The following IMMP2L variants were observed in gnomAD, a reference collection of about 807,000 sequenced individuals.
The protein encoded by IMMP2L is inner mitochondrial membrane peptidase subunit 2.
Under a neutral mutation model 19.3 loss-of-function variants are expected in IMMP2L, and 18 were observed. The observed-to-expected ratio is 0.93, with a 90% CI of 0.64 to 1.38. The LOEUF (loss-of-function observed/expected upper bound fraction) is 1.38, where lower values mean the gene tolerates loss of function less well. Among genes scored for constraint, IMMP2L ranks in the 40% most tolerant of loss-of-function variants. The pLI, the probability that IMMP2L is intolerant of heterozygous loss-of-function variation, is 0.00. For synonymous variants in IMMP2L, 76 were observed against 73.0 expected (o/e 1.04, Z -0.21); for missense variants, 233 against 218.2 (o/e 1.07, Z -0.43).
chr7:111,305,048 C>T (rs1563036237), intron 3 of IMMP2L, among the ~76,000 whole-genome samples: 1 of 151,860 alleles, frequency 6.6e-6, no homozygotes, highest in Non-Finnish European at 1.5e-5. Flanking sequence ...AACTCTTTGA[C>T]AAGTGTATGA....
chr7:111,014,063 T>C (rs1825243865), intron 3 of IMMP2L, among the ~76,000 whole-genome samples: 1 of 152,088 alleles, frequency 6.6e-6, no homozygotes, highest in Non-Finnish European at 1.5e-5. Context: ...ATATCCATAA[T>C]CAAATATAAG....
intron 3 of IMMP2L, among the ~76,000 whole-genome samples, chr7:111,203,064 A>G (rs1331039452): frequency 6.6e-6 from 1 of 152,194 alleles, no homozygotes; most frequent in Non-Finnish European, 1.5e-5. Context: ...CAACCTCCCA[A>G]ACTAGTACTA....
intron 5 of IMMP2L, among the ~76,000 whole-genome samples, chr7:110,818,886 C>T (rs1413705560): frequency 2.1e-5 from 3 of 144,380 alleles, no homozygotes; most frequent in African/African-American, 7.8e-5. Context: ...CGCATATTCT[C>T]ACTCATAGGT....
chr7:110,843,936 T>C (rs903930083), intron 5 of IMMP2L, among the ~76,000 whole-genome samples: 6 of 152,024 alleles, frequency 3.9e-5, no homozygotes, highest in African/African-American at 1.4e-4. Context: ...GAGAGATCTC[T>C]GGGATAGGAG....
At chr7:111,144,290 C>A (rs1239910818) in intron 3 of IMMP2L, among the ~76,000 whole-genome samples, 2 of 152,126 alleles carry the variant, frequency 1.3e-5, no homozygotes, top group Non-Finnish European at 2.9e-5. Flanking sequence ...TCCAGTTAGA[C>A]AATATCTAGT....
intron 3 of IMMP2L, among the ~76,000 whole-genome samples, chr7:111,143,191 A>C (rs939424294): frequency 1.9e-4 from 29 of 152,228 alleles, no homozygotes; most frequent in African/African-American, 6.8e-4. Context: ...AAACAAAAGC[A>C]TGGATTTCAA....
intron 5 of IMMP2L, among the ~76,000 whole-genome samples, chr7:110,671,414 A>G (rs1791910310): frequency 6.6e-6 from 1 of 152,306 alleles, no homozygotes; most frequent in East Asian, 1.9e-4. Context: ...CACTACTTGA[A>G]TATTCCTGCT....
At chr7:111,355,719 C>T (rs545866051) in intron 3 of IMMP2L, among the ~76,000 whole-genome samples, 6 of 152,038 alleles carry the variant, frequency 3.9e-5, no homozygotes, top group Admixed American at 1.3e-4. Context: ...AATTTATTTT[C>T]TACTCTCTGA....
At chr7:110,885,309 T>C (rs1278274877) in intron 5 of IMMP2L, among the ~76,000 whole-genome samples, 2 of 151,962 alleles carry the variant, frequency 1.3e-5, no homozygotes, top group Admixed American at 6.6e-5. Context: ...TCTAAGAATT[T>C]TGGAGCATTT....
chr7:111,328,073 A>T (rs1017150777), intron 3 of IMMP2L, among the ~76,000 whole-genome samples: 3 of 151,836 alleles, frequency 2.0e-5, no homozygotes, highest in Non-Finnish European at 4.4e-5. Flanking sequence ...ATGACCTCTC[A>T]GTCATAATAG....
chr7:111,529,573 C>CA (rs1160794210), intron 1 of IMMP2L, among the ~76,000 whole-genome samples: 9 of 151,018 alleles, frequency 6.0e-5, no homozygotes, highest in Admixed American at 3.3e-4. Context: ...GGCACATACA[C>CA]AAAAAAAGAA....
chr7:111,384,633 A>G (rs1189710289), intron 3 of IMMP2L, among the ~76,000 whole-genome samples: 1 of 152,094 alleles, frequency 6.6e-6, no homozygotes, highest in Non-Finnish European at 1.5e-5. Flanking sequence ...TCTTCAGCCA[A>G]TCACTGCTCC....
chr7:110,853,111 C>T (rs1043907118), intron 5 of IMMP2L, among the ~76,000 whole-genome samples: 1 of 151,834 alleles, frequency 6.6e-6, no homozygotes, highest in African/African-American at 2.4e-5. Context: ...CATTTGCATA[C>T]ACACACACAC....
chr7:110,682,202 C>T (rs937191979), intron 5 of IMMP2L, among the ~76,000 whole-genome samples: 3 of 152,124 alleles, frequency 2.0e-5, no homozygotes, highest in African/African-American at 7.2e-5. Context: ...TTTGTTTCTG[C>T]CTCCTGGAAG....
chr7:111,426,927 T>C (rs1383588476), intron 3 of IMMP2L, among the ~76,000 whole-genome samples: 1 of 151,254 alleles, frequency 6.6e-6, no homozygotes, highest in Non-Finnish European at 1.5e-5. Context: ...ACAACCATGC[T>C]TTTAAATTTG....
chr7:110,976,720 G>C (rs1009081814), intron 3 of IMMP2L, among the ~76,000 whole-genome samples: 1 of 151,964 alleles, frequency 6.6e-6, no homozygotes, highest in Non-Finnish European at 1.5e-5. Flanking sequence ...AGGTGATTCT[G>C]ATGCAGGAAG....
At chr7:111,243,648 C>A (rs1280170773) in intron 3 of IMMP2L, among the ~76,000 whole-genome samples, 14 of 114,962 alleles carry the variant, frequency 1.2e-4, no homozygotes, top group African/African-American at 4.4e-4. Flanking sequence ...GTATATCTCC[C>A]AATGCTATCC....
chr7:111,158,706 T>A (rs1804921007), intron 3 of IMMP2L, among the ~76,000 whole-genome samples: 1 of 152,176 alleles, frequency 6.6e-6, no homozygotes, highest in South Asian at 2.1e-4. Flanking sequence ...CATATTGTGT[T>A]GAATAATGTA....
intron 3 of IMMP2L, among the ~76,000 whole-genome samples, chr7:111,215,009 A>T (rs1811784702): frequency 6.6e-6 from 1 of 152,184 alleles, no homozygotes. Context: ...AGTTCTTGCA[A>T]AACTATGCCC....
Sources: allele counts gnomAD v4.1 joint callset (sites outside exome capture counted in the v4.1 genomes callset), GRCh38; gene constraint gnomAD v4.1.1; transcripts MANE v1.5; gene names NCBI Gene and HGNC (gene_info 2026-07-23, HGNC 2026-07-21).